The following ASZ1 variants were observed in gnomAD, a reference collection of about 807,000 sequenced individuals.
The protein encoded by ASZ1 is ankyrin repeat, SAM and basic leucine zipper domain containing 1, also known as ankyrin repeat, SAM and basic leucine zipper domain-containing protein 1.
Under a neutral mutation model 61.8 loss-of-function variants are expected in ASZ1, and 67 were observed. The ratio of observed to expected loss-of-function variants is 1.08; its 90% CI spans 0.89 to 1.33. ASZ1 has a LOEUF of 1.33. Ranked by LOEUF, ASZ1 falls within the 40% of genes most tolerant of loss-of-function variation. The pLI is 0.00. For missense variants in ASZ1, 577 were observed against 554.5 expected, an observed-to-expected ratio of 1.04 and a Z score of -0.41; for synonymous variants, 193 against 192.7, an observed-to-expected ratio of 1.00 and a Z score of -0.01.
intron 4 of ASZ1, among the ~76,000 whole-genome samples, chr7:117,389,547 C>T (rs1796422945): frequency 6.6e-6 from 1 of 152,044 alleles, no homozygotes; most frequent in Non-Finnish European, 1.5e-5. Context: ...TGAAACAAAC[C>T]AGGCAGAGAG....
chr7:117,363,720 G>A lies in ASZ1; in HGVS notation c.1304C>T (p.Thr435Ile). ...KLQNERENDPTHIQLREEVST... is the reference protein window; with the variant it reads ...KLQNERENDPIHIQLREEVST... ...TACTTCTTCCCTTAATTGTATATGA[G>A]TTGGATCATTTTCCCGTTCATTTTG... Residue 435 changes from threonine (T) to isoleucine (I), a missense_variant, in exon 13 of 13, where the codon ACT (threonine) becomes ATT (isoleucine). Physicochemically the swap from Thr to Ile is moderately conservative, Grantham distance 89. Transcript: ENST00000284629. The A allele has an allele frequency of 3.8e-6, 6 of 1,586,916 alleles. No individual in the cohort carries two copies. The highest frequency in any genetic ancestry group is 5.1e-6 in the Non-Finnish European group (6 of 1,166,892).
chr7:117,400,619 A>T (rs929221080), intron 4 of ASZ1, among the ~76,000 whole-genome samples: 8 of 152,204 alleles, frequency 5.3e-5, no homozygotes, highest in African/African-American at 1.7e-4. Flanking sequence ...GAAAAAGGGG[A>T]GTAACAGAAA....
chr7:117,379,077 T>G (rs1018461454), intron 10 of ASZ1, among the ~76,000 whole-genome samples: 12 of 149,790 alleles, frequency 8.0e-5, no homozygotes, highest in African/African-American at 2.4e-4. Flanking sequence ...GAGACAGCCC[T>G]GTGTTAAGTA....
At chr7:117,405,457 C>T (rs995071063) in intron 4 of ASZ1, among the ~76,000 whole-genome samples, 2 of 152,238 alleles carry the variant, frequency 1.3e-5, no homozygotes, top group Non-Finnish European at 2.9e-5. Context: ...GCTATCACAG[C>T]GTGGGCATGT....
At chr7:117,380,445 T>C (rs1205787173) in intron 9 of ASZ1, among the ~76,000 whole-genome samples, 1 of 151,836 alleles carries the variant, frequency 6.6e-6, no homozygotes, top group Non-Finnish European at 1.5e-5. Context: ...AGTGTTAAAC[T>C]AAATTTTCTA....
intron 4 of ASZ1, among the ~76,000 whole-genome samples, chr7:117,415,526 T>C (rs142549268): frequency 3.8e-4 from 58 of 152,332 alleles, no homozygotes; most frequent in Non-Finnish European, 6.0e-4. Context: ...TATATTGTTA[T>C]AATTGTTCTA....
chr7:117,377,409 T>A (rs1180019969), intron 10 of ASZ1, among the ~76,000 whole-genome samples: 1 of 151,896 alleles, frequency 6.6e-6, no homozygotes. Context: ...ATGCCCATGG[T>A]CTCACCTACT....
chr7:117,420,658 A>T (rs1050872248), intron 3 of ASZ1, among the ~76,000 whole-genome samples: 1 of 152,204 alleles, frequency 6.6e-6, no homozygotes, highest in Non-Finnish European at 1.5e-5. Flanking sequence ...CTTCTTATCC[A>T]TTTGAAAACT....
At chr7:117,423,205 GT>G (rs555651518) in intron 2 of ASZ1, among the ~76,000 whole-genome samples, 4 of 151,740 alleles carry the variant, frequency 2.6e-5, no homozygotes, top group Admixed American at 6.6e-5. Context: ...TTGAAAGTAA[GT>G]TTTTTTTGTT....
chr7:117,375,563 T>G (rs1021796995), intron 10 of ASZ1, among the ~76,000 whole-genome samples: 9 of 152,114 alleles, frequency 5.9e-5, no homozygotes, highest in Non-Finnish European at 1.3e-4. Flanking sequence ...AAAATCTTAA[T>G]GCTCTATGTC....
chr7:117,418,874 TCA>T (rs1797047939), intron 4 of ASZ1, among the ~76,000 whole-genome samples: 1 of 151,552 alleles, frequency 6.6e-6, no homozygotes, highest in South Asian at 2.1e-4. Flanking sequence ...GGTGGGAGGA[TCA>T]CCTGAGACTG....
chr7:117,412,706 T>A (rs1261189720), intron 4 of ASZ1, among the ~76,000 whole-genome samples: 1 of 151,716 alleles, frequency 6.6e-6, no homozygotes, highest in Non-Finnish European at 1.5e-5. Flanking sequence ...AAAACCCTTA[T>A]CTTATGACTG....
rs138860556 is a variant in ASZ1, at chr7:117,380,034, C to G, written c.959G>C (p.Ser320Thr). 5.0e-5 allele frequency: 80 copies of G among 1,588,046 alleles called. No homozygotes were observed. The highest frequency in any genetic ancestry group is 6.5e-5 in the Non-Finnish European group (75 of 1,161,808). The change falls in exon 10 of 13, where the codon AGT becomes ACT. Residue 320 changes from serine (S) to threonine (T), a missense_variant. Ser to Thr is a moderately conservative substitution (Grantham distance 58). Transcript: ENST00000284629. ...AGCCAGAATTTTCTGCTGGTCTTTA[C>G]TGGTAATTCCATTCTAAGCAGAAAT... ...EDEFTKNGIT[S>T]KDQQKILAAL...
intron 4 of ASZ1, among the ~76,000 whole-genome samples, chr7:117,401,303 A>C (rs926898362): frequency 6.6e-6 from 1 of 152,176 alleles, no homozygotes; most frequent in African/African-American, 2.4e-5. Context: ...CTAATGAAAT[A>C]CATCAAACAA....
Position 117,382,147 on chromosome 7 carries a change from G to C in ASZ1, c.813-3C>G. ...GATCTCCAAATGCTGTATATGAACTGTATACATTTATAGCAATGTCAATTT... is the reference window on the plus strand; with the variant it reads ...GATCTCCAAATGCTGTATATGAACTCTATACATTTATAGCAATGTCAATTT... On this transcript the variant is annotated splice_polypyrimidine_tract_variant and splice_region_variant and intron_variant, in intron 7 of 12. Coordinates refer to ENST00000284629, the MANE Select transcript of ASZ1 (RefSeq NM_130768.3). 1 of 1,549,986 alleles carries C rather than the reference G, an allele frequency of 6.5e-7. No homozygotes were observed. The highest frequency in any genetic ancestry group is 8.9e-7 in the Non-Finnish European group (1 of 1,123,630).
intron 9 of ASZ1, 71 bp downstream of exon 9, chr7:117,380,940 A>G (rs957973369): frequency 1.7e-4 from 225 of 1,338,534 alleles, no homozygotes; most frequent in Non-Finnish European, 2.3e-4. Context: ...TTTTAAAAAG[A>G]GAGAAGAAAA....
rs113269630 is a variant in ASZ1, at chr7:117,381,114, TAGA to T, written c.889-50_889-48del. Reference sequence around the variant, plus strand: ...CCACCTTTCCATATAATTAAAATAGTAGAAGGAGAAGTAGGCAAATGTTCATAA... The same window carrying T: ...CCACCTTTCCATATAATTAAAATAGTAGGAGAAGTAGGCAAATGTTCATAA... On this transcript the variant is annotated intron_variant, in intron 8 of 12. Coordinates refer to ENST00000284629, the MANE Select transcript of ASZ1 (RefSeq NM_130768.3). 6.7e-5 allele frequency: 98 copies of T among 1,466,792 alleles called. No homozygotes were observed. The African/African-American group carries it at 1.1e-3, about 17-fold the overall frequency. 90.9% of individuals were successfully genotyped at this position (1,466,792 alleles called of 1,614,324 possible).
intron 4 of ASZ1, among the ~76,000 whole-genome samples, chr7:117,394,186 C>T (rs1017049289): frequency 6.6e-6 from 1 of 152,128 alleles, no homozygotes; most frequent in African/African-American, 2.4e-5. Flanking sequence ...CTCACTGCAG[C>T]CTTGACCTCC....
intron 4 of ASZ1, among the ~76,000 whole-genome samples, chr7:117,411,073 G>A (rs536655328): frequency 3.3e-5 from 5 of 151,860 alleles, no homozygotes; most frequent in African/African-American, 1.2e-4. Context: ...TTTGAAAGGT[G>A]TTTGTGTGTG....
Sources: gnomAD v4.1 joint callset for allele counts (sites outside exome capture counted in the v4.1 genomes callset) on GRCh38, gnomAD v4.1.1 for gene constraint, MANE v1.5 for transcripts, NCBI Gene and HGNC (gene_info 2026-07-23, HGNC 2026-07-21) for gene names.